The following ADGRG1 variants were observed in gnomAD, a reference collection of about 807,000 sequenced individuals.
ADGRG1 encodes 7-transmembrane protein with no EGF-like N-terminal domains-1.
In ADGRG1, 53 loss-of-function variants were observed where a neutral mutation model predicts 73.5. The ratio of observed to expected loss-of-function variants is 0.72; its 90% confidence interval spans 0.58 to 0.91. ADGRG1 has a LOEUF of 0.91. Ranked by LOEUF, ADGRG1 falls within the 40% of genes least tolerant of loss-of-function variation. The pLI is 0.00. For synonymous variants in ADGRG1, 394 were observed against 374.4 expected, an observed-to-expected ratio of 1.05 and a Z score of -0.60; for missense variants, 795 against 871.8, an observed-to-expected ratio of 0.91 and a Z score of 1.11.
chr16:57,634,549 G>T, intron 1 of ADGRG1: 1 of 868,210 alleles, frequency 1.2e-6, no homozygotes, highest in Non-Finnish European at 1.4e-6. Flanking sequence ...TTTCACAGAT[G>T]AGGAATCAGG....
chr16:57,623,239 G>A (rs764611948), upstream of ADGRG1: 2 of 985,126 alleles, frequency 2.0e-6, no homozygotes, highest in African/African-American at 1.7e-5. Context: ...GAACCTTCCG[G>A]GGGTGGGGTG....
chr16:57,630,403 A>G, intron 1 of ADGRG1: 1 of 985,854 alleles, frequency 1.0e-6, no homozygotes, highest in South Asian at 4.7e-5. Context: ...ATATGCACCC[A>G]CCTTGGTCAC....
intron 12 of ADGRG1, chr16:57,661,340 G>T: frequency 2.0e-6 from 2 of 984,896 alleles, no homozygotes; most frequent in Non-Finnish European, 2.4e-6. Flanking sequence ...GCTGGCAGCG[G>T]CCCTGCCTGT....
upstream of ADGRG1, among the ~76,000 whole-genome samples, chr16:57,625,937 C>G (rs1336295862): frequency 6.6e-6 from 1 of 152,208 alleles, no homozygotes; most frequent in African/African-American, 2.4e-5. Context: ...TCGAAGCCCC[C>G]TTCTTCTCCT....
At chr16:57,660,290 C>T (rs1298407399) in intron 11 of ADGRG1, 3 of 985,044 alleles carry the variant, frequency 3.0e-6, no homozygotes, top group Non-Finnish European at 3.6e-6. Flanking sequence ...TTGTCCATTC[C>T]CCCATTTGCA....
upstream of ADGRG1, chr16:57,622,942 T>TG: frequency 1.0e-6 from 1 of 985,362 alleles, no homozygotes; most frequent in Non-Finnish European, 1.2e-6. Flanking sequence ...AGGGTGACCC[T>TG]GGGGGAGGGA....
upstream of ADGRG1, chr16:57,628,123 C>G: frequency 6.5e-6 from 6 of 928,122 alleles, no homozygotes; most frequent in Non-Finnish European, 6.2e-6. Context: ...GCCTCCTGCC[C>G]GGCTGCCTGT....
chr16:57,647,053 C>T (rs1446006668), intron 1 of ADGRG1: 1 of 570,456 alleles, frequency 1.8e-6, no homozygotes, highest in African/African-American at 2.8e-5. Flanking sequence ...ATGCTACATC[C>T]CTGGCGCCTG....
intron 5 of ADGRG1, 116 bp downstream of exon 5, chr16:57,654,249 C>A: frequency 9.4e-7 from 1 of 1,061,288 alleles, no homozygotes; most frequent in Non-Finnish European, 1.4e-6. Context: ...CTGGGGCCTC[C>A]CGAGAAGGTT....
At chr16:57,643,221 C>G (rs766406882) in intron 1 of ADGRG1, 5 of 152,272 alleles carry the variant, frequency 3.3e-5, no homozygotes, top group Non-Finnish European at 7.3e-5. Context: ...GGAGGAGGAC[C>G]AGTGTGTGCA....
chr16:57,631,413 C>G (rs2147296190), intron 1 of ADGRG1: 1 of 985,974 alleles, frequency 1.0e-6, no homozygotes, highest in East Asian at 1.1e-4. Flanking sequence ...GCAGGATGGG[C>G]TTCCATGTGG....
In ADGRG1 at chr16:57,633,531, G is replaced by A. The variant is rs994236980; in HGVS notation, c.-36+4729G>A. ...GGCTGCCCCCTAGGAGAGGCAGCACGAGGTGGGCTGTTAGGGGTGTGGGCT... is the reference window on the plus strand; with the variant it reads ...GGCTGCCCCCTAGGAGAGGCAGCACAAGGTGGGCTGTTAGGGGTGTGGGCT... On this transcript the variant is annotated intron_variant, in intron 1 of 13. Coordinates refer to ENST00000562631, the MANE Select transcript of ADGRG1 (RefSeq NM_201525.4). 2.0e-5 allele frequency: 20 copies of A among 985,068 alleles called. 1 individual carries two copies. Among genetic ancestry groups the A allele is most frequent in the Non-Finnish European group, 2.0e-5 (17 of 829,754 alleles). The allele number at this position is 985,068 out of a possible 1,614,324, so 61.0% of individuals were successfully genotyped here. A position where few individuals can be genotyped will look rare whatever the true frequency, so the allele number is the denominator to read the frequency against.
intron 1 of ADGRG1, chr16:57,647,548 ATTC>A (rs2042992506): frequency 3.3e-6 from 2 of 608,094 alleles, no homozygotes; most frequent in Non-Finnish European, 4.1e-6. Context: ...TGACTTCTTT[ATTC>A]TTCTTTACTA....
intron 4 of ADGRG1, 134 bp from the exon 5 acceptor site, chr16:57,653,852 C>T: frequency 1.3e-6 from 2 of 1,580,296 alleles, no homozygotes; most frequent in South Asian, 2.3e-5. Context: ...GCCCACCCCA[C>T]CCCTCTCTCT....
rs1315437337 is a variant in ADGRG1 at position 57,654,186 on chromosome 16, G to A, written c.768+53G>A. The A allele has an allele frequency of 5.2e-5, 81 of 1,567,648 alleles. 1 individual carries two copies. Among genetic ancestry groups the A allele is most frequent in the Non-Finnish European group, 3.5e-5 (40 of 1,153,236 alleles). On this transcript the variant is annotated intron_variant, in intron 5 of 13. Transcript: ENST00000562631. Reference sequence around the variant, plus strand: ...GATGCGGGTTGGGCCGGGGCCAGATGGAGGTGGGGGCTGTGAGCACTCCCT... The same window carrying A: ...GATGCGGGTTGGGCCGGGGCCAGATAGAGGTGGGGGCTGTGAGCACTCCCT...
At chr16:57,646,539 G>A in intron 1 of ADGRG1, 1 of 985,442 alleles carries the variant, frequency 1.0e-6, no homozygotes, top group Non-Finnish European at 1.2e-6. Context: ...TGGGGGTTGT[G>A]GGGGCTTCCT....
Position 57,651,380 on chromosome 16 carries a change from C to G in ADGRG1, c.245C>G (p.Pro82Arg). 6.2e-7 allele frequency: 1 copy of G among 1,614,242 alleles called. No homozygotes were observed. The highest frequency in any genetic ancestry group is 8.5e-7 in the Non-Finnish European group (1 of 1,180,046). The change falls in exon 3 of 14, where the codon CCT (proline) becomes CGT (arginine). Residue 82 changes from proline to arginine, a missense_variant. Transcript: ENST00000562631. The part of the protein sequence containing the change: ...PAAHPASRSF[P>R]DPRGLYHFCL... Reference sequence around the variant, plus strand: ...GCCCACCCTGCTTCCCGATCCTTCCCTGACCCCAGGGGCCTCTACCACTTC... The same window carrying G: ...GCCCACCCTGCTTCCCGATCCTTCCGTGACCCCAGGGGCCTCTACCACTTC...
At chr16:57,652,913 T>C (rs1424163518) in intron 3 of ADGRG1, 2 of 1,279,552 alleles carry the variant, frequency 1.6e-6, no homozygotes, top group African/African-American at 3.0e-5. Context: ...CCCTCTCTGC[T>C]CCGTGTGTGT....
chr16:57,623,843 G>C, upstream of ADGRG1: 5 of 984,928 alleles, frequency 5.1e-6, no homozygotes, highest in Non-Finnish European at 6.0e-6. Context: ...GGAGATAGCA[G>C]GGAGGTGGCT....
Sources: gnomAD v4.1 joint callset for allele counts (sites outside exome capture counted in the v4.1 genomes callset) on GRCh38, gnomAD v4.1.1 for gene constraint, MANE v1.5 for transcripts, NCBI Gene and HGNC (gene_info 2026-07-23, HGNC 2026-07-21) for gene names.